KIF3B: variants seen among roughly 807,000 people sequenced by gnomAD.
KIF3B encodes kinesin family member 3B.
KIF3B carries 38 observed loss-of-function variants against 74.3 expected under a neutral mutation model. That is an observed-to-expected ratio of 0.51 (90% confidence interval 0.39 to 0.67). KIF3B has a LOEUF of 0.67. Ranked by LOEUF, KIF3B falls within the 30% of genes least tolerant of loss-of-function variation. The pLI is 0.00. For synonymous variants in KIF3B, 326 were observed against 342.5 expected, an observed-to-expected ratio of 0.95 and a Z score of 0.53; for missense variants, 649 against 932.0, an observed-to-expected ratio of 0.70 and a Z score of 3.95.
intron 1 of KIF3B, among the ~76,000 whole-genome samples, chr20:32,298,074 C>T (rs1260366058): frequency 2.0e-5 from 3 of 150,012 alleles, no homozygotes; most frequent in Non-Finnish European, 4.4e-5. Context: ...CATGTCGTTG[C>T]ACTCCAGCCT....
chr20:32,296,433 C>T (rs2047717426), intron 1 of KIF3B, among the ~76,000 whole-genome samples: 1 of 152,022 alleles, frequency 6.6e-6, no homozygotes, highest in South Asian at 2.1e-4. Context: ...AACCCTTTCT[C>T]TACTAAAAAT....
Position 32,310,225 on chromosome 20 carries a change from G to C in KIF3B, c.448G>C (p.Glu150Gln). 1 of 1,613,976 alleles carries C rather than the reference G, an allele frequency of 6.2e-7. No homozygotes were observed. Among genetic ancestry groups the C allele is most frequent in the Non-Finnish European group, 8.5e-7 (1 of 1,179,930 alleles). Residue 150 changes from glutamate to glutamine, a missense_variant, in exon 2 of 9, where the codon GAG becomes CAG. This residue lies in a region of KIF3B where 363 missense variants were observed against 592.8 expected (regional missense o/e 0.61). Coordinates refer to ENST00000375712, the MANE Select transcript of KIF3B (RefSeq NM_004798.4). The surrounding 1 kb of genome is among the most constrained non-coding windows in gnomAD (Gnocchi z 6.5). ...VRASYLEIYQ[E>Q]EIRDLLSKDQ... ...GGCTTCTTACTTAGAGATCTACCAG[G>C]AGGAGATCCGAGATTTGCTCTCAAA...
chr20:32,278,797 C>T (rs1413118126), intron 1 of KIF3B, among the ~76,000 whole-genome samples: 2 of 152,218 alleles, frequency 1.3e-5, no homozygotes, highest in East Asian at 3.9e-4. Context: ...AAGCACTTTA[C>T]CAGGCATATT....
intron 5 of KIF3B, among the ~76,000 whole-genome samples, chr20:32,323,218 T>A (rs2047885069): frequency 7.2e-6 from 1 of 139,684 alleles, no homozygotes; most frequent in Non-Finnish European, 1.5e-5. Flanking sequence ...GATTTTTGTC[T>A]ACACAATGAT....
chr20:32,314,423 C>A (rs936260818), intron 2 of KIF3B, among the ~76,000 whole-genome samples: 5 of 152,000 alleles, frequency 3.3e-5, no homozygotes, highest in African/African-American at 1.2e-4. Flanking sequence ...ACCTGTAGTT[C>A]CAGCTACTTG....
Position 32,331,445 on chromosome 20 carries a change from T to C in KIF3B, c.*126T>C. On this transcript the variant is annotated 3_prime_UTR_variant, in exon 9 of 9. Coordinates refer to ENST00000375712, the MANE Select transcript of KIF3B (RefSeq NM_004798.4). Reference sequence around the variant, plus strand: ...TCCCCTGAGGAGAAGCGGTGGCCTCTTTGCAGATCAACCAACTTAATCTGG... The same window carrying C: ...TCCCCTGAGGAGAAGCGGTGGCCTCCTTGCAGATCAACCAACTTAATCTGG... 1 of 692,698 alleles carries C rather than the reference T, an allele frequency of 1.4e-6. No homozygotes were observed. The highest frequency in any genetic ancestry group is 2.4e-6 in the Non-Finnish European group (1 of 414,964). The allele number at this position is 692,698 out of a possible 1,614,324, so 42.9% of individuals were successfully genotyped here.
rs2047923720 is a variant in KIF3B, at chr20:32,330,230, T to C, written c.2058T>C (p.Ala686=). Residue 686 remains alanine, a synonymous_variant, in exon 8 of 9, where the codon GCT becomes GCC. Coordinates refer to ENST00000375712, the MANE Select transcript of KIF3B (RefSeq NM_004798.4). ...CAGCCATTGCCCCCAAGGTCCAGGC[T>C]GCATTGGATGCGGCTCTGCAGGATG... is the stretch of plus-strand genomic sequence containing the variant. ...EGPAIAPKVQ[A]ALDAALQDED... 6.2e-6 allele frequency: 10 copies of C among 1,613,932 alleles called. No individual in the cohort carries two copies. Among genetic ancestry groups the C allele is most frequent in the Non-Finnish European group, 8.5e-6 (10 of 1,179,960 alleles).
chr20:32,278,436 T>C (rs182105826), intron 1 of KIF3B, among the ~76,000 whole-genome samples: 22 of 152,262 alleles, frequency 1.4e-4, no homozygotes, highest in Non-Finnish European at 2.4e-4. Context: ...ACATAGTAAG[T>C]GCTCAACCAG....
intron 5 of KIF3B, among the ~76,000 whole-genome samples, chr20:32,325,922 C>CT (rs1475078112): frequency 6.6e-6 from 1 of 152,108 alleles, no homozygotes; most frequent in Non-Finnish European, 1.5e-5. Context: ...CTGGCTCGGC[C>CT]TCCCAAAGTG....
chr20:32,306,134 C>T (rs1189449568), intron 1 of KIF3B, among the ~76,000 whole-genome samples: 2 of 150,172 alleles, frequency 1.3e-5, no homozygotes, highest in Admixed American at 6.7e-5. Context: ...GTGGCTCATG[C>T]CTGTAATCCC....
At chr20:32,288,747 C>T (rs2047678375) in intron 1 of KIF3B, among the ~76,000 whole-genome samples, 1 of 152,146 alleles carries the variant, frequency 6.6e-6, no homozygotes, top group Non-Finnish European at 1.5e-5. Context: ...CGCCTCAGCT[C>T]ACTGCAACCT....
At chr20:32,330,798 G>T (rs1024860837) in intron 8 of KIF3B, among the ~76,000 whole-genome samples, 1 of 152,202 alleles carries the variant, frequency 6.6e-6, no homozygotes, top group African/African-American at 2.4e-5. Flanking sequence ...CCACAACCCA[G>T]TCTCTGGGCC....
chr20:32,322,652 T>TTATATATTTATA (rs1341649917), intron 5 of KIF3B, among the ~76,000 whole-genome samples: 640 of 50,390 alleles, frequency 0.013, 159 homozygotes, highest in East Asian at 0.078. Flanking sequence ...ATATATATTT[T>TTATATATTTATA]TATATATTTA....
At chr20:32,297,650 A>C (rs2122671468) in intron 1 of KIF3B, among the ~76,000 whole-genome samples, 1 of 152,236 alleles carries the variant, frequency 6.6e-6, no homozygotes, top group African/African-American at 2.4e-5. Flanking sequence ...ATAGACAGAG[A>C]TGTCTACAAG....
intron 1 of KIF3B, among the ~76,000 whole-genome samples, chr20:32,293,935 C>T (rs1441119164): frequency 1.3e-5 from 2 of 152,176 alleles, no homozygotes; most frequent in Non-Finnish European, 2.9e-5. Context: ...TGAATCCTGA[C>T]TCTTCCACTT....
chr20:32,286,302 A>G (rs1344082101), intron 1 of KIF3B, among the ~76,000 whole-genome samples: 1 of 152,210 alleles, frequency 6.6e-6, no homozygotes, highest in Non-Finnish European at 1.5e-5. Flanking sequence ...TCATAGCACA[A>G]TCTCTAGCAG....
At position 32,306,859 on chromosome 20, in the gene KIF3B, C is replaced by T. The variant is rs563858913; in HGVS notation, c.-65-2854C>T. On this transcript the variant is annotated intron_variant, in intron 1 of 8. Transcript: ENST00000375712. Reference sequence around the variant, plus strand: ...CCACCTACCTCAGCCTCCCAAAGTGCTGGGATTACAGGCGTGAGCCACCAC... The same window carrying T: ...CCACCTACCTCAGCCTCCCAAAGTGTTGGGATTACAGGCGTGAGCCACCAC... Among the ~76,000 whole-genome samples the T allele has an allele frequency of 9.2e-5, 14 of 152,140 alleles. No individual in the cohort carries two copies. In the East Asian group the frequency reaches 2.7e-3, roughly 30 times the overall value.
intron 1 of KIF3B, among the ~76,000 whole-genome samples, chr20:32,288,261 G>GGAA (rs2047676194): frequency 6.6e-6 from 1 of 152,058 alleles, no homozygotes; most frequent in Admixed American, 6.6e-5. Context: ...GGCCTAAGTG[G>GGAA]GAAGATTGCT....
At chr20:32,281,167 A>T (rs991264321) in intron 1 of KIF3B, among the ~76,000 whole-genome samples, 1 of 152,194 alleles carries the variant, frequency 6.6e-6, no homozygotes, top group East Asian at 1.9e-4. Flanking sequence ...TTGCTTACAC[A>T]TGCTTTTACT....
Sources: gnomAD v4.1 joint callset for allele counts (sites outside exome capture counted in the v4.1 genomes callset) on GRCh38, gnomAD v4.1.1 for gene constraint, gnomAD v4.1.1 regional missense constraint, Gnocchi (gnomAD v3.1) non-coding constraint, MANE v1.5 for transcripts, NCBI Gene and HGNC (gene_info 2026-07-23, HGNC 2026-07-21) for gene names.